AKAP19: variants seen among roughly 807,000 people sequenced by gnomAD.
The protein encoded by AKAP19 is A-kinase anchoring protein 19, also known as small A-kinase anchoring protein.
At chr2:190,062,199 G>C in the AKAP19 span, 6 of 1,611,266 alleles carry the variant, frequency 3.7e-6, no homozygotes, top group South Asian at 5.5e-5. Flanking sequence ...CAGAACTGTT[G>C]ATATACACTA....
At chr2:189,880,974 A>G in the AKAP19 span, among the ~76,000 whole-genome samples, 1 of 152,330 alleles carries the variant, frequency 6.6e-6, no homozygotes, top group African/African-American at 2.4e-5. Context: ...CTAATTTTAC[A>G]GATGAGAAAA....
At chr2:190,092,127 A>T in the AKAP19 span, among the ~76,000 whole-genome samples, 1 of 152,174 alleles carries the variant, frequency 6.6e-6, no homozygotes, top group African/African-American at 2.4e-5. Context: ...GATTTTTGTT[A>T]TAATAATATT....
At chr2:190,085,904 A>T in the AKAP19 span, among the ~76,000 whole-genome samples, 2 of 152,222 alleles carry the variant, frequency 1.3e-5, no homozygotes. Context: ...TTCTGCTTGC[A>T]CTAGAAACTA....
At chr2:190,153,646 A>G in the AKAP19 span, among the ~76,000 whole-genome samples, 8 of 152,232 alleles carry the variant, frequency 5.3e-5, no homozygotes, top group African/African-American at 1.9e-4. Context: ...GCAACTATAA[A>G]TATAAAAATA....
chr2:189,988,080 T>G, the AKAP19 span, among the ~76,000 whole-genome samples: 14 of 152,074 alleles, frequency 9.2e-5, no homozygotes, highest in African/African-American at 3.1e-4. Flanking sequence ...TCAAAGCTGT[T>G]CTCTTCTGCT....
chr2:190,115,477 G>A, the AKAP19 span, among the ~76,000 whole-genome samples: 4 of 139,896 alleles, frequency 2.9e-5, no homozygotes, highest in Non-Finnish European at 4.6e-5. Flanking sequence ...CCGCCACTAC[G>A]CCCGGCTAAT....
the AKAP19 span, among the ~76,000 whole-genome samples, chr2:190,059,545 T>C: frequency 6.6e-6 from 1 of 151,946 alleles, no homozygotes. Context: ...AAACCTTAAA[T>C]ATATTTAATA....
chr2:190,123,065 G>T, the AKAP19 span, among the ~76,000 whole-genome samples: 1 of 151,946 alleles, frequency 6.6e-6, no homozygotes, highest in Admixed American at 6.6e-5. Flanking sequence ...TCCTGCCCCA[G>T]CCTCCCAAAG....
At chr2:190,192,284 CTTGT>C in the AKAP19 span, among the ~76,000 whole-genome samples, 1 of 151,692 alleles carries the variant, frequency 6.6e-6, no homozygotes, top group African/African-American at 2.4e-5. Flanking sequence ...TATCTCTGGA[CTTGT>C]TTCTGTTTCA....
At chr2:190,019,964 G>A in the AKAP19 span, among the ~76,000 whole-genome samples, 1 of 152,194 alleles carries the variant, frequency 6.6e-6, no homozygotes, top group African/African-American at 2.4e-5. Flanking sequence ...ACTTTCTGTA[G>A]TGTGTAGTGA....
At chr2:190,075,544 G>A in the AKAP19 span, among the ~76,000 whole-genome samples, 2 of 151,910 alleles carry the variant, frequency 1.3e-5, no homozygotes, top group East Asian at 4.0e-4. Flanking sequence ...GGATTGTTAT[G>A]TTTTCATGAT....
At chr2:189,921,151 A>G in the AKAP19 span, among the ~76,000 whole-genome samples, 2 of 152,260 alleles carry the variant, frequency 1.3e-5, no homozygotes, top group African/African-American at 2.4e-5. Context: ...TATATTTACT[A>G]TTTTGTGTGA....
At chr2:190,177,365 C>A in the AKAP19 span, among the ~76,000 whole-genome samples, 3 of 152,186 alleles carry the variant, frequency 2.0e-5, no homozygotes, top group African/African-American at 7.2e-5. This position sits in a 1 kb window ranked among gnomAD's most constrained non-coding sequence, Gnocchi z 4.6. Flanking sequence ...TGAACACTCG[C>A]AAACTATGCC....
chr2:189,899,139 C>A, the AKAP19 span, among the ~76,000 whole-genome samples: 3 of 152,146 alleles, frequency 2.0e-5, no homozygotes, highest in Non-Finnish European at 2.9e-5. Context: ...AGCTACCCAG[C>A]AAACTTCTAT....
the AKAP19 span, among the ~76,000 whole-genome samples, chr2:190,155,833 GA>G: frequency 1.6e-3 from 237 of 151,828 alleles, 1 homozygote; most frequent in Non-Finnish European, 4.0e-4. Context: ...TATAAAAGAG[GA>G]AAAAAATTTT....
At chr2:189,899,754 C>T in the AKAP19 span, among the ~76,000 whole-genome samples, 1 of 151,176 alleles carries the variant, frequency 6.6e-6, no homozygotes, top group Non-Finnish European at 1.5e-5. Context: ...CTATTACCCT[C>T]TTTCCTTTCT....
the AKAP19 span, among the ~76,000 whole-genome samples, chr2:190,123,822 C>T: frequency 2.8e-4 from 42 of 152,278 alleles, no homozygotes; most frequent in East Asian, 5.6e-3. Context: ...TGAGTCTGAG[C>T]GCATGTAGGT....
the AKAP19 span, among the ~76,000 whole-genome samples, chr2:190,087,888 G>A: frequency 2.0e-5 from 3 of 152,030 alleles, no homozygotes; most frequent in Non-Finnish European, 4.4e-5. Flanking sequence ...CTTCTCCAGG[G>A]CTCCTACCAT....
chr2:190,180,391 C>A, the AKAP19 span: 1 of 860,086 alleles, frequency 1.2e-6, no homozygotes, highest in African/African-American at 1.8e-5. This position sits in a 1 kb window ranked among gnomAD's most constrained non-coding sequence, Gnocchi z 6.8. Context: ...AGGGCAGCGC[C>A]CCCTCTCACC....
Sources: allele counts gnomAD v4.1 joint callset (sites outside exome capture counted in the v4.1 genomes callset), GRCh38; gene constraint gnomAD v4.1.1; non-coding constraint Gnocchi (gnomAD v3.1); transcripts MANE v1.5; gene names NCBI Gene and HGNC (gene_info 2026-07-23, HGNC 2026-07-21).